Variants in CARM1 observed in about 807,000 individuals in gnomAD.
The protein encoded by CARM1 is histone-arginine methyltransferase CARM1.
A neutral mutation model predicts 72.7 loss-of-function variants in CARM1; 14 were observed. That is an observed-to-expected ratio of 0.19 (90% CI 0.13 to 0.30). The LOEUF (loss-of-function observed/expected upper bound fraction) is 0.30. CARM1 is among the 10% of genes least tolerant of loss of function. The pLI, the probability that CARM1 is intolerant of heterozygous loss-of-function variation, is 1.00. For synonymous variants in CARM1, 333 were observed against 345.5 expected (o/e 0.96, Z 0.40); for missense variants, 432 against 833.7 (o/e 0.52, Z 5.93).
At chr19:10,884,384 G>A (rs1336538276) in intron 1 of CARM1, among the ~76,000 whole-genome samples, 3 of 151,262 alleles carry the variant, frequency 2.0e-5, no homozygotes, top group Admixed American at 6.6e-5. Flanking sequence ...GGGCTCTCTA[G>A]TATGTTGTCC....
chr19:10,921,652 G>A lies in CARM1; in HGVS notation c.1722G>A (p.Thr574=), dbSNP rs149968022. 1.1e-4 allele frequency: 175 copies of A among 1,613,424 alleles called. No individual in the cohort carries two copies. The African/African-American group carries it at 1.7e-3, about 16-fold the overall frequency. Residue 574 remains threonine (T), a synonymous_variant, in exon 16 of 16, where the codon ACG becomes ACA. Transcript: ENST00000327064. ...CCCAGGGCAGTGGTGGTGGCAGCACGAGTGCCCACTATGCAGTCAACAGCC... is the reference window on the plus strand; with the variant it reads ...CCCAGGGCAGTGGTGGTGGCAGCACAAGTGCCCACTATGCAGTCAACAGCC... The part of the protein sequence containing the change: ...SGAQGSGGGS[T]SAHYAVNSQF...
chr19:10,917,385 G>A (rs1183411540), intron 8 of CARM1, among the ~76,000 whole-genome samples: 2 of 152,070 alleles, frequency 1.3e-5, no homozygotes, highest in Admixed American at 1.3e-4. Flanking sequence ...GCTGAGGCAG[G>A]AGAATGGCGT....
chr19:10,904,310 C>G (rs775509893), intron 1 of CARM1, among the ~76,000 whole-genome samples: 16 of 152,260 alleles, frequency 1.1e-4, no homozygotes, highest in Admixed American at 5.9e-4. Flanking sequence ...CCTGATTGGG[C>G]TGGCCCGTTC....
In CARM1 at chr19:10,871,592, G is replaced by GGCGGCGGCGGCGGCGGCGGCGGCGGCT. The variant is rs2073813614; in HGVS notation, c.-85_-84insTGCGGCGGCGGCGGCGGCGGCGGCGGC. 1 of 50,982 alleles carries GGCGGCGGCGGCGGCGGCGGCGGCGGCT rather than the reference G, an allele frequency of 2.0e-5. No individual in the cohort carries two copies. Among genetic ancestry groups the GGCGGCGGCGGCGGCGGCGGCGGCGGCT allele is most frequent in the South Asian group, 5.5e-4 (1 of 1,818 alleles). 3.2% of individuals were successfully genotyped at this position (50,982 alleles called of 1,614,324 possible). On this transcript the variant is annotated 5_prime_UTR_variant, in exon 1 of 16. Coordinates refer to ENST00000327064, the MANE Select transcript of CARM1 (RefSeq NM_199141.2). The surrounding 1 kb of genome is among the most constrained non-coding windows in gnomAD (Gnocchi z 5.6). ...CGGCTGCGGCGGCGGTAGCGGCAGC[G>GGCGGCGGCGGCGGCGGCGGCGGCGGCT]GCGGCGGCGGCGGCGGCGGCGGCGG...
chr19:10,890,298 G>A (rs1362389961), intron 1 of CARM1, among the ~76,000 whole-genome samples: 9 of 143,384 alleles, frequency 6.3e-5, no homozygotes, highest in Admixed American at 2.1e-4. Flanking sequence ...ACAGAGTTTC[G>A]CTCTTGTTGT....
At chr19:10,886,581 A>C (rs1275851092) in intron 1 of CARM1, among the ~76,000 whole-genome samples, 3 of 151,002 alleles carry the variant, frequency 2.0e-5, no homozygotes, top group Non-Finnish European at 4.4e-5. Context: ...TAATCCCAGC[A>C]CTTTGGGAGG....
At chr19:10,890,229 A>T (rs2146316228) in intron 1 of CARM1, among the ~76,000 whole-genome samples, 1 of 151,980 alleles carries the variant, frequency 6.6e-6, no homozygotes, top group African/African-American at 2.4e-5. Flanking sequence ...TCTACAAAAA[A>T]TATAAAAATT....
intron 4 of CARM1, among the ~76,000 whole-genome samples, chr19:10,910,698 T>G (rs1170452984): frequency 6.6e-6 from 1 of 151,164 alleles, no homozygotes; most frequent in Admixed American, 6.6e-5. Flanking sequence ...CCTGAGTAGC[T>G]GGGACTACAG....
chr19:10,890,084 C>A (rs1346809156), intron 1 of CARM1, among the ~76,000 whole-genome samples: 1 of 152,068 alleles, frequency 6.6e-6, no homozygotes, highest in African/African-American at 2.4e-5. Context: ...CCCATCTCTA[C>A]AGAAAAATAA....
rs2074201320 is a variant in CARM1, at chr19:10,916,876, C to T, written c.1020+99C>T. 1 of 872,486 alleles carries T rather than the reference C, an allele frequency of 1.1e-6. No individual in the cohort carries two copies. Among genetic ancestry groups the T allele is most frequent in the Admixed American group, 2.3e-5 (1 of 42,812 alleles). The allele number at this position is 872,486 out of a possible 1,614,324, so 54.0% of individuals were successfully genotyped here. On this transcript the variant is annotated intron_variant, in intron 8 of 15. Transcript: ENST00000327064. The surrounding 1 kb of genome is among the most constrained non-coding windows in gnomAD (Gnocchi z 4.4). ...CTACAGCCCCTCTCTGAGCCCTCTC[C>T]TCTGCCCTGCACAGCGCTCTCACAG... is the stretch of plus-strand genomic sequence containing the variant.
In CARM1 at chr19:10,912,435, G is replaced by C; in HGVS notation, c.669+141G>C. On this transcript the variant is annotated intron_variant, in intron 5 of 15. Transcript: ENST00000327064. This position sits in a 1 kb window ranked among gnomAD's most constrained non-coding sequence, Gnocchi z 4.5. Reference sequence around the variant, plus strand: ...TGGTCTCTTTATTGTCCCCAAGACAGTCATTTCAGGGAGGGGCTTCAGGGC... The same window carrying C: ...TGGTCTCTTTATTGTCCCCAAGACACTCATTTCAGGGAGGGGCTTCAGGGC... 5.0e-6 allele frequency: 3 copies of C among 603,636 alleles called. No homozygotes were observed. The highest frequency in any genetic ancestry group is 8.8e-6 in the Non-Finnish European group (3 of 339,486). 37.4% of individuals were successfully genotyped at this position (603,636 alleles called of 1,614,324 possible). A position where few individuals can be genotyped will look rare whatever the true frequency, so the allele number is the denominator to read the frequency against.
In CARM1 at chr19:10,896,242, T is replaced by C. The variant is rs2074023281; in HGVS notation, c.221-8709T>C. Among the ~76,000 whole-genome samples the C allele has an allele frequency of 6.6e-6, 1 of 152,040 alleles. No homozygotes were observed. Among genetic ancestry groups the C allele is most frequent in the Non-Finnish European group, 1.5e-5 (1 of 67,972 alleles). On this transcript the variant is annotated intron_variant, in intron 1 of 15. Transcript: ENST00000327064. This position sits in a 1 kb window ranked among gnomAD's most constrained non-coding sequence, Gnocchi z 5.2. ...CCTCCTGCATGCTGGGACCCAGGGCTGCCGTGGAGCTGCTTGCTGCCCCAC... is the reference window on the plus strand; with the variant it reads ...CCTCCTGCATGCTGGGACCCAGGGCCGCCGTGGAGCTGCTTGCTGCCCCAC...
rs1555723420 is a variant in CARM1, at chr19:10,871,601, G to GGCGGCGGCT, written c.-94_-93insTGCGGCGGC. 3 of 104,312 alleles carry GGCGGCGGCT rather than the reference G, an allele frequency of 2.9e-5. No homozygotes were observed. Among genetic ancestry groups the GGCGGCGGCT allele is most frequent in the African/African-American group, 1.1e-4 (3 of 27,844 alleles). The allele number at this position is 104,312 out of a possible 1,614,324, so 6.5% of individuals were successfully genotyped here. On this transcript the variant is annotated 5_prime_UTR_variant, in exon 1 of 16. Transcript: ENST00000327064. The surrounding 1 kb of genome is among the most constrained non-coding windows in gnomAD (Gnocchi z 5.6). Reference sequence around the variant, plus strand: ...CGGCGGTAGCGGCAGCGGCGGCGGCGGCGGCGGCGGCGGCGGCGGCGGCGG... The same window carrying GGCGGCGGCT: ...CGGCGGTAGCGGCAGCGGCGGCGGCGGCGGCGGCTGCGGCGGCGGCGGCGGCGGCGGCGG...
chr19:10,883,500 A>C lies in CARM1; in HGVS notation c.220+11578A>C, dbSNP rs530824316. On this transcript the variant is annotated intron_variant, in intron 1 of 15. Coordinates refer to ENST00000327064, the MANE Select transcript of CARM1 (RefSeq NM_199141.2). Reference sequence around the variant, plus strand: ...CAGTCTCAAGGATCGCGCAGGGCGGACCCTCAGCAGCCTCCAGATCTGCCC... The same window carrying C: ...CAGTCTCAAGGATCGCGCAGGGCGGCCCCTCAGCAGCCTCCAGATCTGCCC... Among the ~76,000 whole-genome samples the C allele has an allele frequency of 4.7e-4, 71 of 152,178 alleles. No homozygotes were observed. In the East Asian group the frequency reaches 0.013, roughly 29 times the overall value.
Position 10,919,947 on chromosome 19 carries a change from G to A in CARM1, c.1177G>A (p.Val393Ile), listed in dbSNP as rs369400808. 2.5e-6 allele frequency: 4 copies of A among 1,613,896 alleles called. No individual in the cohort carries two copies. Among genetic ancestry groups the A allele is most frequent in the Admixed American group, 1.7e-5 (1 of 60,014 alleles). ...CCACGGCCTGGCTTTCTGGTTTGAC[G>A]TTGCTTTCATCGGCTCCATGTGAGT... ...LVHGLAFWFD[V>I]AFIGSIMTVW... Residue 393 changes from valine to isoleucine, a missense_variant, in exon 10 of 16, where the codon GTT becomes ATT. Physicochemically the swap from Val to Ile is conservative, Grantham distance 29 (BLOSUM62 3). Around this residue, in one of 3 missense-constraint regions of CARM1, gnomAD observed 152 missense variants for 452.8 expected, o/e 0.34. Transcript: ENST00000327064.
chr19:10,903,713 A>C (rs973038666), intron 1 of CARM1, among the ~76,000 whole-genome samples: 1 of 151,876 alleles, frequency 6.6e-6, no homozygotes. Context: ...GGTGTGAGCC[A>C]CTCTGTCCAG....
chr19:10,902,293 T>TC (rs948212505), intron 1 of CARM1, among the ~76,000 whole-genome samples: 71 of 91,512 alleles, frequency 7.8e-4, no homozygotes, highest in South Asian at 1.4e-3. Flanking sequence ...GTTGTTTCTT[T>TC]TTTTTTTTTT....
intron 1 of CARM1, among the ~76,000 whole-genome samples, chr19:10,879,426 A>G (rs935065754): frequency 6.6e-6 from 1 of 152,212 alleles, no homozygotes; most frequent in Non-Finnish European, 1.5e-5. Flanking sequence ...GAGAACATAC[A>G]GGGAGTCACC....
chr19:10,918,579 C>T (rs1428615124), intron 8 of CARM1, among the ~76,000 whole-genome samples: 2 of 152,126 alleles, frequency 1.3e-5, no homozygotes, highest in Admixed American at 1.3e-4. Flanking sequence ...TGCCCTGCCT[C>T]GCTCAAAGCT....
Sources: allele counts gnomAD v4.1 joint callset (sites outside exome capture counted in the v4.1 genomes callset), GRCh38; gene constraint gnomAD v4.1.1; regional missense constraint gnomAD v4.1.1; non-coding constraint Gnocchi (gnomAD v3.1); transcripts MANE v1.5; gene names NCBI Gene and HGNC (gene_info 2026-07-23, HGNC 2026-07-21).